Variants in GAPVD1 observed in about 807,000 individuals in gnomAD.
GAPVD1 encodes the protein GTPase-activating protein and VPS9 domain-containing protein 1.
A neutral mutation model predicts 155.5 loss-of-function variants in GAPVD1; 35 were observed. That is an observed-to-expected ratio of 0.23 (90% CI 0.17 to 0.30). The LOEUF (loss-of-function observed/expected upper bound fraction) is 0.30, where lower values mean the gene tolerates loss of function less well. GAPVD1 is among the 10% of genes least tolerant of loss of function. The pLI is 1.00. For synonymous variants in GAPVD1, 636 were observed against 619.7 expected, an observed-to-expected ratio of 1.03 and a Z score of -0.39; for missense variants, 1,429 against 1,775.7, an observed-to-expected ratio of 0.80 and a Z score of 3.51.
intron 23 of GAPVD1, among the ~76,000 whole-genome samples, chr9:125,353,931 G>A (rs12341852): frequency 3.9e-5 from 6 of 152,224 alleles, no homozygotes; most frequent in African/African-American, 9.6e-5. Context: ...GTTCCAAATA[G>A]AAGAGTGCAA....
chr9:125,336,878 A>ATT (rs967215953), intron 15 of GAPVD1, 140 bp from the exon 16 acceptor site: 8 of 554,814 alleles, frequency 1.4e-5, no homozygotes, highest in East Asian at 3.1e-5. Context: ...TCATAATTTG[A>ATT]TTTTTTTTTT....
At chr9:125,275,447 C>A (rs554636869) in intron 2 of GAPVD1, among the ~76,000 whole-genome samples, 1 of 152,292 alleles carries the variant, frequency 6.6e-6, no homozygotes, top group Admixed American at 6.5e-5. Flanking sequence ...TAACTTAATG[C>A]CTTTCAAACT....
intron 2 of GAPVD1, among the ~76,000 whole-genome samples, chr9:125,278,697 C>T (rs575707932): frequency 3.3e-5 from 5 of 151,114 alleles, no homozygotes; most frequent in Middle Eastern, 6.9e-3. Context: ...TAGCTGGATG[C>T]GGTAGTACAT....
intron 1 of GAPVD1, among the ~76,000 whole-genome samples, chr9:125,266,179 T>G (rs2131653393): frequency 6.6e-6 from 1 of 150,566 alleles, no homozygotes; most frequent in South Asian, 2.1e-4. Flanking sequence ...CAGGCTGGAG[T>G]GCAAATGCGC....
In GAPVD1 at chr9:125,349,471, A is replaced by G. The variant is rs1374183574; in HGVS notation, c.3251A>G (p.Asp1084Gly). The G allele has an allele frequency of 6.2e-7, 1 of 1,613,626 alleles. No homozygotes were observed. Among genetic ancestry groups the G allele is most frequent in the Non-Finnish European group, 8.5e-7 (1 of 1,179,910 alleles). ...LQNISADDLP[D>G]SASQAAHPQD... is the part of the protein sequence containing the mutation. ...AACATCTCGGCTGATGATCTCCCAG[A>G]CTCTGCAAGCCAAGCAGCCCACCCG... Residue 1084 changes from aspartate to glycine, a missense_variant, in exon 21 of 28, where the codon GAC (aspartate) becomes GGC (glycine). Asp to Gly is a moderately conservative substitution (Grantham distance 94, BLOSUM62 -1). Around this residue, in one of 4 missense-constraint regions of GAPVD1, gnomAD observed 699 missense variants for 826.0 expected, o/e 0.85. Coordinates refer to ENST00000297933, the MANE Select transcript of GAPVD1 (RefSeq NM_001282680.3).
At chr9:125,293,388 G>C (rs1192321107) in intron 2 of GAPVD1, among the ~76,000 whole-genome samples, 1 of 150,622 alleles carries the variant, frequency 6.6e-6, no homozygotes, top group Admixed American at 6.6e-5. Flanking sequence ...GTTTTGTTCT[G>C]TATTGTCAGT....
chr9:125,291,050 G>A (rs965125596), intron 2 of GAPVD1, among the ~76,000 whole-genome samples: 2 of 150,188 alleles, frequency 1.3e-5, no homozygotes, highest in African/African-American at 4.9e-5. Context: ...ACTTTGGGAG[G>A]CCAAGGCAAG....
intron 17 of GAPVD1, among the ~76,000 whole-genome samples, 190 bp from the exon 18 acceptor site, chr9:125,340,987 T>G (rs1847766214): frequency 6.6e-6 from 1 of 152,174 alleles, no homozygotes; most frequent in Non-Finnish European, 1.5e-5. Flanking sequence ...GGGAGGCTGA[T>G]ACGGGGAGGA....
intron 17 of GAPVD1, among the ~76,000 whole-genome samples, chr9:125,340,623 C>A (rs1345105273): frequency 6.6e-6 from 1 of 152,148 alleles, no homozygotes; most frequent in East Asian, 1.9e-4. Flanking sequence ...GCTACCATCT[C>A]TACTGCCCTT....
chr9:125,343,648 C>T (rs1042065883), intron 19 of GAPVD1, among the ~76,000 whole-genome samples: 1 of 152,196 alleles, frequency 6.6e-6, no homozygotes, highest in Non-Finnish European at 1.5e-5. Flanking sequence ...AGCAGCTAAG[C>T]CTGTCCTATT....
At position 125,268,993 on chromosome 9, in the gene GAPVD1, T is replaced by G. The variant is rs1036306889; in HGVS notation, c.-150+9T>G. 2.6e-5 allele frequency: 4 copies of G among 152,044 alleles called. No individual in the cohort carries two copies. Among genetic ancestry groups the G allele is most frequent in the Admixed American group, 6.6e-5 (1 of 15,240 alleles). 9.4% of individuals were successfully genotyped at this position (152,044 alleles called of 1,614,324 possible). A position where few individuals can be genotyped will look rare whatever the true frequency, so the allele number is the denominator to read the frequency against. On this transcript the variant is annotated intron_variant, in intron 2 of 27. Coordinates refer to ENST00000297933, the MANE Select transcript of GAPVD1 (RefSeq NM_001282680.3). ...TTCTAGGAATCTCAAAGGTAAAGTATGATTTAAAAATATTTTTTTAAAATA... is the reference window on the plus strand; with the variant it reads ...TTCTAGGAATCTCAAAGGTAAAGTAGGATTTAAAAATATTTTTTTAAAATA...
chr9:125,291,161 C>T (rs1320186367), intron 2 of GAPVD1, among the ~76,000 whole-genome samples: 1 of 152,102 alleles, frequency 6.6e-6, no homozygotes, highest in Non-Finnish European at 1.5e-5. Flanking sequence ...TGATGGCACA[C>T]ACCTGTAGTC....
chr9:125,340,622 T>C (rs539333533), intron 17 of GAPVD1, among the ~76,000 whole-genome samples: 1 of 152,314 alleles, frequency 6.6e-6, no homozygotes, highest in Non-Finnish European at 1.5e-5. Context: ...TGCTACCATC[T>C]CTACTGCCCT....
In GAPVD1 at chr9:125,342,258, A is replaced by G. The variant is rs766063423; in HGVS notation, c.3005A>G (p.Asp1002Gly). Reference sequence around the variant, plus strand: ...AGAAAGAAAGAAAAACAAGAAAAAGACAAAGATGATCTGGGGCCTGACAGA... The same window carrying G: ...AGAAAGAAAGAAAAACAAGAAAAAGGCAAAGATGATCTGGGGCCTGACAGA... The part of the protein sequence containing the change: ...PFRKKEKQEK[D>G]KDDLGPDRFS... The change falls in exon 19 of 28, where the codon GAC becomes GGC. Residue 1002 changes from aspartate to glycine, a missense_variant. Physicochemically the swap from Asp to Gly is moderately conservative, Grantham distance 94. Coordinates refer to ENST00000297933, the MANE Select transcript of GAPVD1 (RefSeq NM_001282680.3). 1.9e-6 allele frequency: 3 copies of G among 1,601,854 alleles called. No individual in the cohort carries two copies. The highest frequency in any genetic ancestry group is 2.6e-6 in the Non-Finnish European group (3 of 1,168,952).
chr9:125,263,673 A>T, intron 1 of GAPVD1: 1 of 899,500 alleles, frequency 1.1e-6, no homozygotes, highest in South Asian at 1.3e-5. Context: ...TCTTGTCGGC[A>T]CTAAGTGGCA....
chr9:125,279,603 A>G (rs1432196451), intron 2 of GAPVD1, among the ~76,000 whole-genome samples: 1 of 148,638 alleles, frequency 6.7e-6, no homozygotes, highest in Admixed American at 6.8e-5. Context: ...AATCAAAAAT[A>G]AAAAAAAAAC....
At chr9:125,331,530 G>A (rs954154986) in intron 13 of GAPVD1, among the ~76,000 whole-genome samples, 1 of 152,130 alleles carries the variant, frequency 6.6e-6, no homozygotes, top group Non-Finnish European at 1.5e-5. Flanking sequence ...ATTCAGATAT[G>A]CTAGCCTTGT....
intron 2 of GAPVD1, among the ~76,000 whole-genome samples, chr9:125,272,808 T>C (rs1012835709): frequency 6.6e-6 from 1 of 152,186 alleles, no homozygotes; most frequent in Non-Finnish European, 1.5e-5. Flanking sequence ...TGTGATGAAA[T>C]GTACATGACA....
intron 8 of GAPVD1, among the ~76,000 whole-genome samples, chr9:125,311,604 A>G (rs1842699776): frequency 1.3e-5 from 2 of 152,210 alleles, no homozygotes; most frequent in East Asian, 3.9e-4. Flanking sequence ...CTGGGCAACA[A>G]GAGTGAAACT....
Sources: gnomAD v4.1 joint callset for allele counts (sites outside exome capture counted in the v4.1 genomes callset) on GRCh38, gnomAD v4.1.1 for gene constraint, gnomAD v4.1.1 regional missense constraint, MANE v1.5 for transcripts, NCBI Gene and HGNC (gene_info 2026-07-23, HGNC 2026-07-21) for gene names.